DNAJC10: variants seen among roughly 807,000 people sequenced by gnomAD.
DNAJC10 encodes endoplasmic reticulum disulfide reductase DNAJC10.
A neutral mutation model predicts 115.0 loss-of-function variants in DNAJC10; 101 were observed. The ratio of observed to expected loss-of-function variants is 0.88; its 90% CI spans 0.75 to 1.04. DNAJC10 has a LOEUF of 1.04. DNAJC10 is among the 50% of genes least tolerant of loss of function. The probability of loss-of-function intolerance (pLI) is 0.00; values close to 1 mark genes in which losing one functional copy is unlikely to be tolerated. For missense variants in DNAJC10, 981 were observed against 928.8 expected (o/e 1.06, Z -0.73); for synonymous variants, 307 against 301.5 (o/e 1.02, Z -0.19).
In DNAJC10 at chr2:182,736,317, TACA is replaced by T. The variant is rs758575569; in HGVS notation, c.923_925del (p.Thr308del). 5.0e-6 allele frequency: 8 copies of T among 1,596,416 alleles called. No individual in the cohort carries two copies. The highest frequency in any genetic ancestry group is 6.8e-6 in the Non-Finnish European group (8 of 1,173,382). The stretch of plus-strand genomic sequence containing the variant: ...ATAACCTTTGTAAAAGCTTAGATAT[TACA>T]ACAAGTACTACTGCTTATTTTCCTC... On this transcript the variant is annotated inframe_deletion, in exon 11 of 24. Transcript: ENST00000264065.
At position 182,731,201 on chromosome 2, in the gene DNAJC10, A is replaced by G. The variant is rs1423240690; in HGVS notation, c.805+94A>G. ...ATGCTACTGTAATTGATTATTAAGT[A>G]CTAGAAACTACAATTTATGCCCAGG... is the stretch of plus-strand genomic sequence containing the variant. On this transcript the variant is annotated intron_variant, in intron 9 of 23. Transcript: ENST00000264065. The G allele has an allele frequency of 4.7e-5, 37 of 788,438 alleles. No homozygotes were observed. In the Middle Eastern group the frequency reaches 1.1e-3, roughly 22 times the overall value. The allele number at this position is 788,438 out of a possible 1,614,324, so 48.8% of individuals were successfully genotyped here.
At chr2:182,734,463 T>A (rs1016978414) in intron 10 of DNAJC10, among the ~76,000 whole-genome samples, 1 of 151,736 alleles carries the variant, frequency 6.6e-6, no homozygotes, top group Non-Finnish European at 1.5e-5. Flanking sequence ...TTTTTTTAAG[T>A]TGTTAAGCCT....
chr2:182,741,269 G>A lies in DNAJC10; in HGVS notation c.1104G>A (p.Leu368=). ...ATCGTTTGGCTCATCATCGGTGGCT[G>A]TTATTTTTTCATTTTGGAAAAAATG... The part of the protein sequence containing the change: ...LEDRLAHHRW[L]LFFHFGKNEN... Residue 368 remains leucine, a synonymous_variant, in exon 13 of 24, where the codon CTG becomes CTA. Transcript: ENST00000264065. 1.9e-6 allele frequency: 3 copies of A among 1,603,680 alleles called. No homozygotes were observed. Among genetic ancestry groups the A allele is most frequent in the South Asian group, 1.1e-5 (1 of 88,574 alleles).
At chr2:182,724,879 G>T (rs1332739979) in intron 5 of DNAJC10, among the ~76,000 whole-genome samples, 1 of 152,132 alleles carries the variant, frequency 6.6e-6, no homozygotes, top group Non-Finnish European at 1.5e-5. Context: ...GCAAATATGA[G>T]AAGTGCTCGA....
At chr2:182,753,862 A>AT in intron 16 of DNAJC10, among the ~76,000 whole-genome samples, 1 of 152,244 alleles carries the variant, frequency 6.6e-6, no homozygotes, top group Non-Finnish European at 1.5e-5. Context: ...GATTACAGGC[A>AT]TGAGCCACTG....
intron 9 of DNAJC10, among the ~76,000 whole-genome samples, chr2:182,732,158 T>C (rs559229532): frequency 6.6e-6 from 1 of 152,134 alleles, no homozygotes; most frequent in African/African-American, 2.4e-5. Flanking sequence ...ACATTTTATT[T>C]CCCCCCAATT....
At chr2:182,732,649 A>G (rs1397863081) in intron 10 of DNAJC10, 107 bp downstream of exon 10, 5 of 1,069,532 alleles carry the variant, frequency 4.7e-6, no homozygotes, top group Non-Finnish European at 7.1e-6. Context: ...TAACTCACCT[A>G]TTTGTAATCT....
chr2:182,727,847 T>A (rs540178026), intron 5 of DNAJC10, among the ~76,000 whole-genome samples: 8 of 152,358 alleles, frequency 5.3e-5, no homozygotes, highest in African/African-American at 1.9e-4. Flanking sequence ...TGTTAAATTT[T>A]TTAAGTGAGT....
chr2:182,774,353 C>G (rs1034686599), intron 22 of DNAJC10, among the ~76,000 whole-genome samples: 1 of 152,182 alleles, frequency 6.6e-6, no homozygotes. Context: ...GCTCAAATGC[C>G]GTTCTGGGAG....
chr2:182,752,945 T>C (rs12616928), intron 16 of DNAJC10, among the ~76,000 whole-genome samples: 3,984 of 152,280 alleles, frequency 0.026, 73 homozygotes, highest in East Asian at 0.1. Flanking sequence ...AGACTTTGTT[T>C]GGATGCAGTT....
rs762147520 is a variant in DNAJC10 at position 182,736,337 on chromosome 2, A to G, written c.938A>G (p.Tyr313Cys). 6.3e-7 allele frequency: 1 copy of G among 1,589,124 alleles called. No individual in the cohort carries two copies. Among genetic ancestry groups the G allele is most frequent in the East Asian group, 2.3e-5 (1 of 42,566 alleles). ...SLDITTSTTA[Y>C]FPPGATLNNK... The stretch of plus-strand genomic sequence containing the variant: ...GATATTACAACAAGTACTACTGCTT[A>G]TTTTCCTCCTGGAGCCACTTTAAAT... The change falls in exon 11 of 24, where the codon TAT becomes TGT. Residue 313 changes from tyrosine to cysteine, a missense_variant. Transcript: ENST00000264065.
intron 5 of DNAJC10, among the ~76,000 whole-genome samples, chr2:182,724,954 G>A (rs538943373): frequency 1.3e-5 from 2 of 152,252 alleles, no homozygotes; most frequent in African/African-American, 4.8e-5. Context: ...CATAGATAAT[G>A]CACTTTTTTT....
At chr2:182,738,784 C>T (rs373258189) in intron 11 of DNAJC10, among the ~76,000 whole-genome samples, 1 of 152,156 alleles carries the variant, frequency 6.6e-6, no homozygotes. Context: ...TTGTGATCTG[C>T]CGGCCTCGGC....
intron 10 of DNAJC10, 105 bp from the exon 11 acceptor site, chr2:182,736,144 A>C (rs750401665): frequency 8.2e-5 from 91 of 1,115,782 alleles, no homozygotes; most frequent in Non-Finnish European, 1.1e-4. Flanking sequence ...ATGAAGTTTT[A>C]ATTTTTTGGT....
At position 182,788,588 on chromosome 2, in the gene DNAJC10, A is replaced by G. The variant is rs1415174555; in HGVS notation, c.*11456A>G. 2 of 246,736 alleles carry G rather than the reference A, an allele frequency of 8.1e-6. No individual in the cohort carries two copies. Among genetic ancestry groups the G allele is most frequent in the African/African-American group, 4.6e-5 (2 of 43,530 alleles). The allele number at this position is 246,736 out of a possible 1,614,324, so 15.3% of individuals were successfully genotyped here. ...CAGTTTAAGTACTTATCTCAAAAGG[A>G]AAAATGTTAGCAATTGGTTGTAGCA... is the stretch of plus-strand genomic sequence containing the variant. On this transcript the variant is annotated 3_prime_UTR_variant, in exon 24 of 24. Transcript: ENST00000264065.
At chr2:182,753,483 G>C in intron 16 of DNAJC10, among the ~76,000 whole-genome samples, 1 of 150,770 alleles carries the variant, frequency 6.6e-6, no homozygotes, top group South Asian at 2.1e-4. Context: ...CTTTGGTTTT[G>C]AATGTTTTCT....
At chr2:182,728,039 G>T (rs112936809) in intron 5 of DNAJC10, among the ~76,000 whole-genome samples, 1,703 of 152,266 alleles carry the variant, frequency 0.011, 8 homozygotes, top group South Asian at 0.032. Flanking sequence ...TTAGGGCTTA[G>T]ATTAAATTTA....
chr2:182,729,848 GC>G lies in DNAJC10; in HGVS notation c.638del (p.Pro213GlnfsTer2). ...PSLFIFRSGM[A>X]PVKYHGDRSK... ...TTTCTCTTCTTACAAAAACCAATAG[GC>G]CCCAGTGAAATATCATGGAGACAGA... On this transcript the variant is annotated frameshift_variant and splice_region_variant, in exon 8 of 24. Transcript: ENST00000264065. LOFTEE classifies it high-confidence loss of function. 6.3e-7 allele frequency: 1 copy of G among 1,579,270 alleles called. No individual in the cohort carries two copies. Among genetic ancestry groups the G allele is most frequent in the South Asian group, 1.2e-5 (1 of 84,270 alleles).
chr2:182,736,885 G>T (rs995452433), intron 11 of DNAJC10, among the ~76,000 whole-genome samples: 5 of 152,124 alleles, frequency 3.3e-5, no homozygotes, highest in African/African-American at 9.7e-5. Context: ...GAGTACCTGG[G>T]ATTACAGGCG....
Sources: gnomAD v4.1 joint callset for allele counts (sites outside exome capture counted in the v4.1 genomes callset) on GRCh38, gnomAD v4.1.1 for gene constraint, MANE v1.5 for transcripts, NCBI Gene and HGNC (gene_info 2026-07-23, HGNC 2026-07-21) for gene names.